The following ENAH variants were observed in gnomAD, a reference collection of about 807,000 sequenced individuals.
ENAH encodes ENAH actin regulator.
Under a neutral mutation model 78.7 loss-of-function variants are expected in ENAH, and 23 were observed. The observed-to-expected ratio is 0.29, with a 90% CI of 0.21 to 0.41. The LOEUF (loss-of-function observed/expected upper bound fraction) is 0.41. ENAH is among the 10% of genes least tolerant of loss of function. ENAH has a pLI of 1.00. For synonymous variants in ENAH, 226 were observed against 241.0 expected (o/e 0.94, Z 0.58); for missense variants, 544 against 691.0 (o/e 0.79, Z 2.39).
chr1:225,557,488 G>T (rs2151439807), intron 2 of ENAH, among the ~76,000 whole-genome samples: 1 of 152,192 alleles, frequency 6.6e-6, no homozygotes, highest in South Asian at 2.1e-4. Context: ...TTTATTTTCT[G>T]ATTTTAGAAG....
intron 1 of ENAH, among the ~76,000 whole-genome samples, chr1:225,600,371 T>A (rs748511605): frequency 6.6e-6 from 1 of 151,294 alleles, no homozygotes; most frequent in Non-Finnish European, 1.5e-5. Flanking sequence ...GTCTAAAAAA[T>A]AATAATAAAT....
At chr1:225,642,757 G>A in intron 1 of ENAH, among the ~76,000 whole-genome samples, 1 of 152,228 alleles carries the variant, frequency 6.6e-6, no homozygotes, top group African/African-American at 2.4e-5. Flanking sequence ...TAAATCATTA[G>A]AAGAAAAACT....
Position 225,593,401 on chromosome 1 carries a change from G to GTGTGTGTGTGTGT in ENAH, c.6-25988_6-25987insACACACACACACA, listed in dbSNP as rs1491435336. On this transcript the variant is annotated intron_variant, in intron 1 of 13. Coordinates refer to ENST00000366843, the MANE Select transcript of ENAH (RefSeq NM_018212.6). ...CTGCAGCCTGCCCCTGTGTGTGTGT[G>GTGTGTGTGTGTGT]GGGGGGGGGGGGGGGGTGGGGGGTG... 2.2e-4 allele frequency among the ~76,000 whole-genome samples: 7 copies of GTGTGTGTGTGTGT among 31,596 alleles called. 1 individual carries two copies. Among genetic ancestry groups the GTGTGTGTGTGTGT allele is most frequent in the Non-Finnish European group, 3.3e-4 (6 of 18,032 alleles). The allele number at this position is 31,596 out of a possible 152,430, so 20.7% of individuals were successfully genotyped here. A position where few individuals can be genotyped will look rare whatever the true frequency, so the allele number is the denominator to read the frequency against.
rs553455218 is a variant in ENAH at position 225,642,647 on chromosome 1, G to GT, written c.5+10038dup. 1.4e-3 allele frequency among the ~76,000 whole-genome samples: 206 copies of GT among 152,260 alleles called. 1 individual carries two copies. Among genetic ancestry groups the GT allele is most frequent in the African/African-American group, 4.7e-3 (197 of 41,544 alleles). Reference sequence around the variant, plus strand: ...ATTGTACCACTGCACTCCAGCCCGGGTAACAGCTTTACTAGGCTTTGAGAT... The same window carrying GT: ...ATTGTACCACTGCACTCCAGCCCGGGTTAACAGCTTTACTAGGCTTTGAGAT... On this transcript the variant is annotated intron_variant, in intron 1 of 13. Coordinates refer to ENST00000366843, the MANE Select transcript of ENAH (RefSeq NM_018212.6).
intron 1 of ENAH, among the ~76,000 whole-genome samples, chr1:225,590,410 G>A (rs896975077): frequency 6.6e-5 from 10 of 151,722 alleles, no homozygotes; most frequent in African/African-American, 1.9e-4. Context: ...GTTCCAGTGA[G>A]CTGAGATCGC....
At chr1:225,590,256 C>T (rs2096869108) in intron 1 of ENAH, among the ~76,000 whole-genome samples, 1 of 152,066 alleles carries the variant, frequency 6.6e-6, no homozygotes, top group Non-Finnish European at 1.5e-5. Flanking sequence ...GACCGAATCA[C>T]TTGAGGCCAG....
At position 225,519,282 on chromosome 1, in the gene ENAH, G is replaced by A. The variant is rs142024814; in HGVS notation, c.718C>T (p.Arg240Trp). The change falls in exon 5 of 14, where the codon CGG (arginine) becomes TGG (tryptophan). Residue 240 changes from arginine (R) to tryptophan (W), a missense_variant. By Grantham distance (101) the Arg-to-Trp change is moderately radical (BLOSUM62 -3). Around this residue, in one of 4 missense-constraint regions of ENAH, gnomAD observed 366 missense variants for 396.1 expected, o/e 0.92. Coordinates refer to ENST00000366843, the MANE Select transcript of ENAH (RefSeq NM_018212.6). The stretch of plus-strand genomic sequence containing the variant: ...TGTCGCTCCCTTTCTTGCCTCTCCC[G>A]TTCCAGTCTCTCCAGCCTCTCTCGT... ...QERERLERLE[R>W]ERQERERQEQ... 2.4e-5 allele frequency: 38 copies of A among 1,613,588 alleles called. No individual in the cohort carries two copies. The East Asian group carries it at 5.4e-4, about 23-fold the overall frequency.
At chr1:225,650,390 G>A (rs1009043181) in intron 1 of ENAH, among the ~76,000 whole-genome samples, 1 of 152,166 alleles carries the variant, frequency 6.6e-6, no homozygotes, top group Non-Finnish European at 1.5e-5. Flanking sequence ...AAAAACAGAA[G>A]TTACTTTTTA....
chr1:225,639,782 C>T (rs778387724), intron 1 of ENAH, among the ~76,000 whole-genome samples: 5 of 151,426 alleles, frequency 3.3e-5, no homozygotes, highest in African/African-American at 7.3e-5. Flanking sequence ...ATTACTGGGT[C>T]TCAATGTGAA....
chr1:225,637,574 T>C (rs1357253457), intron 1 of ENAH, among the ~76,000 whole-genome samples: 2 of 151,986 alleles, frequency 1.3e-5, no homozygotes, highest in East Asian at 1.9e-4. Flanking sequence ...GAAGGGAAGG[T>C]AGGGTGACAG....
chr1:225,585,130 C>T (rs531674160), intron 1 of ENAH, among the ~76,000 whole-genome samples: 8 of 136,804 alleles, frequency 5.8e-5, no homozygotes, highest in African/African-American at 1.9e-4. Flanking sequence ...GCAGGAGAAT[C>T]GCTTGAGCCT....
At chr1:225,505,840 T>C (rs1239335899) in intron 11 of ENAH, among the ~76,000 whole-genome samples, 1 of 152,126 alleles carries the variant, frequency 6.6e-6, no homozygotes, top group East Asian at 1.9e-4. Flanking sequence ...ATTTCTATTT[T>C]GGGAAAGGGA....
intron 1 of ENAH, among the ~76,000 whole-genome samples, chr1:225,576,815 G>C (rs539025464): frequency 2.0e-5 from 3 of 152,186 alleles, no homozygotes; most frequent in Non-Finnish European, 4.4e-5. Context: ...AGCACATCAA[G>C]CTCAGACTTT....
intron 3 of ENAH, among the ~76,000 whole-genome samples, chr1:225,537,329 TCA>T (rs1343668618): frequency 2.6e-5 from 4 of 152,220 alleles, no homozygotes; most frequent in African/African-American, 9.6e-5. Flanking sequence ...CCAGTCTTTC[TCA>T]CAGTTTAAAC....
At chr1:225,617,401 T>C (rs986967916) in intron 1 of ENAH, among the ~76,000 whole-genome samples, 4 of 152,210 alleles carry the variant, frequency 2.6e-5, no homozygotes, top group South Asian at 4.1e-4. Context: ...TTTTAGACTA[T>C]GCTTAGATAG....
intron 6 of ENAH, 96 bp from the exon 7 acceptor site, chr1:225,514,996 CTGACTCA>C: frequency 3.0e-6 from 3 of 999,990 alleles, no homozygotes; most frequent in Non-Finnish European, 4.6e-6. Context: ...CTAAATTAAA[CTGACTCA>C]TGTATTTACT....
At position 225,646,180 on chromosome 1, in the gene ENAH, T is replaced by C. The variant is rs544741472; in HGVS notation, c.5+6506A>G. ...TGTATGCACTGACAAAAAAAAAAAA[T>C]GTAGTTATCTTCTGCTATAGACTGA... On this transcript the variant is annotated intron_variant, in intron 1 of 13. Transcript: ENST00000366843. 4.1e-5 allele frequency among the ~76,000 whole-genome samples: 6 copies of C among 145,328 alleles called. No homozygotes were observed. The East Asian group carries it at 1.0e-3, about 24-fold the overall frequency.
chr1:225,534,931 TGA>T (rs1575439958), intron 3 of ENAH, among the ~76,000 whole-genome samples: 1 of 152,152 alleles, frequency 6.6e-6, no homozygotes, highest in Non-Finnish European at 1.5e-5. Flanking sequence ...CATGTGTATA[TGA>T]GAGTGAGAGT....
intron 2 of ENAH, among the ~76,000 whole-genome samples, chr1:225,562,466 G>C (rs2096711316): frequency 6.6e-6 from 1 of 150,668 alleles, no homozygotes; most frequent in Non-Finnish European, 1.5e-5. Flanking sequence ...CAGCTGCTCG[G>C]GAGGCTGAGG....
Sources: allele counts gnomAD v4.1 joint callset (sites outside exome capture counted in the v4.1 genomes callset), GRCh38; gene constraint gnomAD v4.1.1; regional missense constraint gnomAD v4.1.1; transcripts MANE v1.5; gene names NCBI Gene and HGNC (gene_info 2026-07-23, HGNC 2026-07-21).